KSR1: variants seen among roughly 807,000 people sequenced by gnomAD.
KSR1 encodes the protein kinase suppressor of ras 1, also known as kinase suppressor of ras.
Under a neutral mutation model 92.9 loss-of-function variants are expected in KSR1, and 35 were observed. That is an observed-to-expected ratio of 0.38 (90% confidence interval 0.29 to 0.50). KSR1 has a LOEUF of 0.50. Among genes scored for constraint, KSR1 ranks in the 20% least tolerant of loss-of-function variants. The pLI is 0.94. For missense variants in KSR1, 972 were observed against 1,158.5 expected (o/e 0.84, Z 2.34); for synonymous variants, 467 against 472.6 (o/e 0.99, Z 0.15).
chr17:27,476,854 C>T (rs1331735883), intron 1 of KSR1, among the ~76,000 whole-genome samples: 1 of 152,172 alleles, frequency 6.6e-6, no homozygotes, highest in Non-Finnish European at 1.5e-5. Context: ...GACCCCAGGA[C>T]AGGGTTCTTG....
intron 2 of KSR1, among the ~76,000 whole-genome samples, chr17:27,562,782 G>C (rs555343039): frequency 4.2e-4 from 64 of 152,350 alleles, no homozygotes; most frequent in African/African-American, 1.5e-3. Context: ...CCTGCTCCTA[G>C]CTATGTACCT....
chr17:27,575,307 T>C (rs1216403955), intron 2 of KSR1, among the ~76,000 whole-genome samples: 6 of 152,238 alleles, frequency 3.9e-5, no homozygotes, highest in Non-Finnish European at 8.8e-5. Flanking sequence ...AGGCAATTCC[T>C]GGAACTGAGG....
intron 2 of KSR1, among the ~76,000 whole-genome samples, chr17:27,574,988 AG>A (rs2072449903): frequency 1.3e-5 from 2 of 152,238 alleles, no homozygotes; most frequent in Non-Finnish European, 2.9e-5. Context: ...ACTGGGCTGT[AG>A]GCCACTTGAG....
intron 13 of KSR1, among the ~76,000 whole-genome samples, chr17:27,605,046 AT>A (rs1175216830): frequency 6.6e-6 from 1 of 152,236 alleles, no homozygotes; most frequent in Non-Finnish European, 1.5e-5. Flanking sequence ...TAACAGACTG[AT>A]TTACTCCTGC....
chr17:27,553,781 C>T (rs578098615), intron 2 of KSR1, among the ~76,000 whole-genome samples: 2 of 152,330 alleles, frequency 1.3e-5, no homozygotes, highest in South Asian at 2.1e-4. Context: ...AGGCTATTTC[C>T]TTTAGTAAAC....
chr17:27,602,052 C>T, intron 11 of KSR1: 1 of 817,694 alleles, frequency 1.2e-6, no homozygotes. Context: ...TGCTTGAGAT[C>T]AGTGCTTTTT....
chr17:27,597,534 C>T (rs1227929560), intron 10 of KSR1, 98 bp downstream of exon 10: 1 of 1,237,560 alleles, frequency 8.1e-7, no homozygotes, highest in Non-Finnish European at 1.1e-6. Context: ...GACATGGCCA[C>T]AGCTAAGAGC....
intron 1 of KSR1, among the ~76,000 whole-genome samples, chr17:27,504,553 G>T (rs891403679): frequency 1.3e-5 from 2 of 152,152 alleles, no homozygotes; most frequent in Non-Finnish European, 2.9e-5. Flanking sequence ...TACAGACGGG[G>T]ATGGGGCCTG....
chr17:27,510,263 T>C (rs2069550197), intron 1 of KSR1, among the ~76,000 whole-genome samples: 2 of 152,346 alleles, frequency 1.3e-5, no homozygotes, highest in South Asian at 4.2e-4. Flanking sequence ...GTGGCGGTGC[T>C]GCCCCACCAG....
At chr17:27,502,752 T>C (rs567652256) in intron 1 of KSR1, among the ~76,000 whole-genome samples, 1 of 152,354 alleles carries the variant, frequency 6.6e-6, no homozygotes, top group African/African-American at 2.4e-5. Context: ...TGTTGGGGGC[T>C]GGGGTGCAAA....
intron 2 of KSR1, among the ~76,000 whole-genome samples, chr17:27,561,765 G>A (rs2071838716): frequency 6.6e-6 from 1 of 152,134 alleles, no homozygotes; most frequent in South Asian, 2.1e-4. Flanking sequence ...TTCAGGGTGG[G>A]GGTTCCCCTG....
chr17:27,575,904 G>A (rs2072486723), intron 2 of KSR1, among the ~76,000 whole-genome samples: 1 of 152,154 alleles, frequency 6.6e-6, no homozygotes, highest in African/African-American at 2.4e-5. Flanking sequence ...ATCCCTACTT[G>A]GGATCTCACA....
chr17:27,576,678 C>T (rs779456106), intron 2 of KSR1, among the ~76,000 whole-genome samples: 1 of 151,992 alleles, frequency 6.6e-6, no homozygotes, highest in Non-Finnish European at 1.5e-5. Flanking sequence ...AGCTGGATGG[C>T]GCAAGATTTC....
At chr17:27,544,501 C>T (rs1164149219) in intron 1 of KSR1, among the ~76,000 whole-genome samples, 2 of 152,212 alleles carry the variant, frequency 1.3e-5, no homozygotes, top group African/African-American at 2.4e-5. Flanking sequence ...ATCGGTAGCA[C>T]CCACCAACTG....
chr17:27,466,077 T>A (rs2019680065), intron 1 of KSR1, among the ~76,000 whole-genome samples: 1 of 152,202 alleles, frequency 6.6e-6, no homozygotes, highest in Non-Finnish European at 1.5e-5. Flanking sequence ...GTTTTAAAGG[T>A]TCTGAGAAGT....
intron 1 of KSR1, among the ~76,000 whole-genome samples, chr17:27,494,010 C>A (rs2068903302): frequency 6.6e-6 from 1 of 152,078 alleles, no homozygotes; most frequent in Non-Finnish European, 1.5e-5. Context: ...CTTGGGGACG[C>A]TGAGGTGGTT....
chr17:27,597,515 T>C (rs1486401055), intron 10 of KSR1, 79 bp downstream of exon 10: 2 of 1,438,568 alleles, frequency 1.4e-6, no homozygotes, highest in Non-Finnish European at 1.9e-6. Context: ...TTCGGCAGAT[T>C]CAAGGTCAGA....
intron 1 of KSR1, chr17:27,527,268 G>A: frequency 5.1e-6 from 1 of 197,458 alleles, no homozygotes; most frequent in Non-Finnish European, 1.1e-5. Context: ...TGTAATCCCA[G>A]CTACTTGGGA....
At chr17:27,546,854 G>A (rs1197631405) in intron 1 of KSR1, among the ~76,000 whole-genome samples, 1 of 152,106 alleles carries the variant, frequency 6.6e-6, no homozygotes, top group African/African-American at 2.4e-5. Context: ...CTCTGTAGGT[G>A]CTCCCCAGGG....
Sources: allele counts gnomAD v4.1 joint callset (sites outside exome capture counted in the v4.1 genomes callset), GRCh38; gene constraint gnomAD v4.1.1; transcripts MANE v1.5; gene names NCBI Gene and HGNC (gene_info 2026-07-23, HGNC 2026-07-21).